Variants in ZNF398 observed in about 807,000 individuals in gnomAD.
The protein encoded by ZNF398 is zinc finger protein 398.
Under a neutral mutation model 41.9 loss-of-function variants are expected in ZNF398, and 18 were observed. That is an observed-to-expected ratio of 0.43 (90% CI 0.30 to 0.64). The LOEUF (loss-of-function observed/expected upper bound fraction) is 0.64. Among genes scored for constraint, ZNF398 ranks in the 30% least tolerant of loss-of-function variants. ZNF398 has a pLI of 0.14. For missense variants in ZNF398, 669 were observed against 822.8 expected (o/e 0.81, Z 2.29); for synonymous variants, 260 against 308.8 (o/e 0.84, Z 1.66).
chr7:149,130,149 G>A (rs746429562), intron 2 of ZNF398, among the ~76,000 whole-genome samples: 2 of 152,138 alleles, frequency 1.3e-5, no homozygotes, highest in Non-Finnish European at 2.9e-5. Context: ...AGGCTGGAGT[G>A]CAGTGGCATG....
At chr7:149,167,064 G>A (rs183810146) in intron 4 of ZNF398, 134 bp downstream of exon 4, 1 of 604,672 alleles carries the variant, frequency 1.7e-6, no homozygotes, top group Non-Finnish European at 2.9e-6. Flanking sequence ...GTGTCATCAG[G>A]CATTTAAATA....
chr7:149,162,046 T>G (rs953924285), intron 2 of ZNF398, among the ~76,000 whole-genome samples: 2 of 152,206 alleles, frequency 1.3e-5, no homozygotes, highest in African/African-American at 4.8e-5. Flanking sequence ...TTATATATTT[T>G]TCAAGACAGG....
Position 149,179,261 on chromosome 7 carries a change from C to T in ZNF398, c.1389C>T (p.Ser463=). Reference sequence around the variant, plus strand: ...TCCGCTGTGCCCAGTGCGGCAGGAGCTTCAGCTTGAAAATCAGCCTCCTGC... The same window carrying T: ...TCCGCTGTGCCCAGTGCGGCAGGAGTTTCAGCTTGAAAATCAGCCTCCTGC... ...RPFRCAQCGR[S]FSLKISLLLH... Residue 463 remains serine, a synonymous_variant, in exon 6 of 6, where the codon AGC becomes AGT. Transcript: ENST00000475153. The surrounding 1 kb of genome is among the most constrained non-coding windows in gnomAD (Gnocchi z 6.1). The T allele has an allele frequency of 6.2e-7, 1 of 1,613,268 alleles. No homozygotes were observed. The highest frequency in any genetic ancestry group is 8.5e-7 in the Non-Finnish European group (1 of 1,179,992).
chr7:149,159,583 G>A (rs1370197391), intron 2 of ZNF398, among the ~76,000 whole-genome samples: 6 of 152,008 alleles, frequency 3.9e-5, no homozygotes, highest in Non-Finnish European at 7.4e-5. Context: ...GGGAGGTGGA[G>A]GTTGCAGTGA....
chr7:149,151,181 G>T, intron 1 of ZNF398: 1 of 1,153,870 alleles, frequency 8.7e-7, no homozygotes, highest in Non-Finnish European at 1.1e-6. Flanking sequence ...TGTGGTGACA[G>T]CAGTTTACCT....
Position 149,154,152 on chromosome 7 carries a change from C to G in ZNF398, c.232C>G (p.Leu78Val), listed in dbSNP as rs2129520370. The G allele has an allele frequency of 1.2e-6, 2 of 1,614,188 alleles. No individual in the cohort carries two copies. The highest frequency in any genetic ancestry group is 1.1e-5 in the South Asian group (1 of 91,076). ...EGRTGTAEKK[L>V]ASCEKTVTEL... ...TCGGACAGGGACAGCAGAGAAGAAA[C>G]TAGCCAGCTGTGAAAAGACAGTTAC... Residue 78 changes from leucine to valine, a missense_variant, in exon 2 of 6, where the codon CTA (leucine) becomes GTA (valine). This residue lies in a region of ZNF398 where 169 missense variants were observed against 239.5 expected (regional missense o/e 0.71). Transcript: ENST00000475153.
At position 149,179,643 on chromosome 7, in the gene ZNF398, A is replaced by G. The variant is rs773199215; in HGVS notation, c.1771A>G (p.Asn591Asp). 4 of 1,614,066 alleles carry G rather than the reference A, an allele frequency of 2.5e-6. No individual in the cohort carries two copies. Among genetic ancestry groups the G allele is most frequent in the Non-Finnish European group, 2.5e-6 (3 of 1,180,020 alleles). The change falls in exon 6 of 6, where the codon AAT becomes GAT. Residue 591 changes from asparagine (N) to aspartate (D), a missense_variant. By Grantham distance (23) the Asn-to-Asp change is conservative (BLOSUM62 1). Transcript: ENST00000475153. The surrounding 1 kb of genome is among the most constrained non-coding windows in gnomAD (Gnocchi z 6.1). ...TLKDHLRSGH[N>D]GGCGGDSDPS... is the part of the protein sequence containing the mutation. ...CAAGGACCACCTCCGTTCAGGCCAC[A>G]ATGGAGGCTGTGGGGGTGATAGTGA...
At chr7:149,132,109 T>G (rs1325649732) in intron 2 of ZNF398, among the ~76,000 whole-genome samples, 2 of 152,158 alleles carry the variant, frequency 1.3e-5, no homozygotes, top group Non-Finnish European at 2.9e-5. Flanking sequence ...AAAGGTCTAC[T>G]TATTTATAAT....
intron 4 of ZNF398, among the ~76,000 whole-genome samples, chr7:149,174,653 C>G (rs1795424338): frequency 6.6e-6 from 1 of 152,092 alleles, no homozygotes; most frequent in East Asian, 1.9e-4. Flanking sequence ...AGTGAGACCC[C>G]ATCTTTACCA....
At chr7:149,176,080 C>T (rs1795455130) in intron 4 of ZNF398, among the ~76,000 whole-genome samples, 1 of 152,182 alleles carries the variant, frequency 6.6e-6, no homozygotes, top group East Asian at 1.9e-4. Flanking sequence ...AGCCTGTAAT[C>T]CCAGCACTTT....
rs776685133 is a variant in ZNF398, at chr7:149,154,262, G to A, written c.342G>A (p.Glu114=). The change falls in exon 2 of 6, where the codon GAG becomes GAA. Residue 114 remains glutamate (E), a synonymous_variant. Transcript: ENST00000475153. ...QEYGLLQRRL[E]NLENLLRNRN... is the part of the protein sequence containing the mutation. ...ACGGGCTGCTGCAGAGGCGGCTGGA[G>A]AACTTGGAGAACCTGCTGCGCAACA... 1 of 1,614,154 alleles carries A rather than the reference G, an allele frequency of 6.2e-7. No homozygotes were observed. The highest frequency in any genetic ancestry group is 8.5e-7 in the Non-Finnish European group (1 of 1,180,022).
intron 1 of ZNF398, among the ~76,000 whole-genome samples, chr7:149,152,303 C>A (rs1277585863): frequency 1.3e-5 from 2 of 150,136 alleles, no homozygotes; most frequent in East Asian, 3.9e-4. Flanking sequence ...CTCTGTCACC[C>A]AGGCTGGAGT....
chr7:149,178,975 A>G lies in ZNF398; in HGVS notation c.1103A>G (p.His368Arg). 6.2e-7 allele frequency: 1 copy of G among 1,613,950 alleles called. No homozygotes were observed. The highest frequency in any genetic ancestry group is 1.3e-5 in the African/African-American group (1 of 74,952). The change falls in exon 6 of 6, where the codon CAC becomes CGC. Residue 368 changes from histidine to arginine, a missense_variant. This residue lies in a region of ZNF398 where 290 missense variants were observed against 292.9 expected (regional missense o/e 0.99). Coordinates refer to ENST00000475153, the MANE Select transcript of ZNF398 (RefSeq NM_170686.3). ...CACCAATGTAGCCATGCTACTGAGCACCCCTTACCCTGTGCCCAGTGCCCT... is the reference window on the plus strand; with the variant it reads ...CACCAATGTAGCCATGCTACTGAGCGCCCCTTACCCTGTGCCCAGTGCCCT... ...LTHQCSHATE[H>R]PLPCAQCPKH...
At chr7:149,126,737 G>A (rs2129518879) in intron 1 of ZNF398, 1 of 154,126 alleles carries the variant, frequency 6.5e-6, no homozygotes, top group South Asian at 1.9e-4. Context: ...GGGGGTCCCG[G>A]GAATCCAGCG....
chr7:149,130,919 G>C (rs774385965), intron 2 of ZNF398, among the ~76,000 whole-genome samples: 9 of 152,172 alleles, frequency 5.9e-5, no homozygotes, highest in Non-Finnish European at 1.2e-4. Flanking sequence ...AATTGGTTAG[G>C]GGTAAGGAAG....
chr7:149,133,305 G>A (rs1585500828), intron 2 of ZNF398, among the ~76,000 whole-genome samples: 1 of 151,724 alleles, frequency 6.6e-6, no homozygotes, highest in Non-Finnish European at 1.5e-5. Flanking sequence ...GTAGAGATAG[G>A]GTTTCACCAT....
Position 149,147,583 on chromosome 7 carries a change from C to G in ZNF398, c.-160C>G, listed in dbSNP as rs912518621. On this transcript the variant is annotated 5_prime_UTR_variant, in exon 1 of 6. Coordinates refer to ENST00000475153, the MANE Select transcript of ZNF398 (RefSeq NM_170686.3). The surrounding 1 kb of genome is among the most constrained non-coding windows in gnomAD (Gnocchi z 5.6). The stretch of plus-strand genomic sequence containing the variant: ...CCGCCGCGTTCCTGCGCGTCCCGAG[C>G]CCCGACGGCCGCGTGAGTCCCGTCC... The G allele has an allele frequency of 1.8e-4, 145 of 792,724 alleles. No individual in the cohort carries two copies. Among genetic ancestry groups the G allele is most frequent in the Non-Finnish European group, 2.1e-4 (129 of 601,484 alleles). 49.1% of individuals were successfully genotyped at this position (792,724 alleles called of 1,614,324 possible). A position where few individuals can be genotyped will look rare whatever the true frequency, so the allele number is the denominator to read the frequency against.
In ZNF398 at chr7:149,178,703, G is replaced by A. The variant is rs1159665475; in HGVS notation, c.831G>A (p.Glu277=). The A allele has an allele frequency of 6.2e-7, 1 of 1,614,034 alleles. No homozygotes were observed. The highest frequency in any genetic ancestry group is 8.5e-7 in the Non-Finnish European group (1 of 1,180,038). Residue 277 remains glutamate (E), a synonymous_variant, in exon 6 of 6, where the codon GAG becomes GAA. Transcript: ENST00000475153. ...EGLARSSLCP[E]VPVPFSSPPA... is the part of the protein sequence containing the mutation. ...TTGCTAGATCCTCGTTGTGCCCTGA[G>A]GTTCCAGTCCCTTTCTCTTCTCCAC...
At chr7:149,164,892 G>A (rs1421140037) in intron 2 of ZNF398, among the ~76,000 whole-genome samples, 1 of 152,040 alleles carries the variant, frequency 6.6e-6, no homozygotes, top group East Asian at 1.9e-4. Context: ...TCAGGAACTC[G>A]AGACCAGCCT....
Sources: allele counts gnomAD v4.1 joint callset (sites outside exome capture counted in the v4.1 genomes callset), GRCh38; gene constraint gnomAD v4.1.1; regional missense constraint gnomAD v4.1.1; non-coding constraint Gnocchi (gnomAD v3.1); transcripts MANE v1.5; gene names NCBI Gene and HGNC (gene_info 2026-07-23, HGNC 2026-07-21).